Variants in TULP4 observed in about 807,000 individuals in gnomAD.
TULP4 encodes the protein TUB like protein 4.
In TULP4, 16 loss-of-function variants were observed where a neutral mutation model predicts 129.0. The observed-to-expected ratio is 0.12, with a 90% CI of 0.08 to 0.19. The LOEUF (loss-of-function observed/expected upper bound fraction) is 0.19, where lower values mean the gene tolerates loss of function less well. Ranked by LOEUF, TULP4 falls within the 10% of genes least tolerant of loss-of-function variation. TULP4 has a pLI of 1.00. For missense variants in TULP4, 1,842 were observed against 2,059.1 expected (o/e 0.89, Z 2.04); for synonymous variants, 998 against 854.0 (o/e 1.17, Z -2.94).
At position 158,509,273 on chromosome 6, in the gene TULP4, A is replaced by G. The variant is rs1411876169; in HGVS notation, c.*2579A>G. On this transcript the variant is annotated 3_prime_UTR_variant, in exon 14 of 14. Transcript: ENST00000367097. ...TAATCACTTAAAAATTTTTTTTTGT[A>G]TTTTGTGTTATTGATTATATACAAA... 6.6e-6 allele frequency: 1 copy of G among 151,780 alleles called. No homozygotes were observed. Among genetic ancestry groups the G allele is most frequent in the Admixed American group, 6.6e-5 (1 of 15,256 alleles). 9.4% of individuals were successfully genotyped at this position (151,780 alleles called of 1,614,324 possible).
intron 5 of TULP4, among the ~76,000 whole-genome samples, chr6:158,457,705 C>T (rs753269533): frequency 2.6e-5 from 4 of 152,140 alleles, no homozygotes; most frequent in African/African-American, 4.8e-5. Flanking sequence ...AAAGCTCCAA[C>T]CCCTGAGCTT....
rs1453621937 is a variant in TULP4, at chr6:158,429,901, A to G, written c.543+4A>G. On this transcript the variant is annotated splice_donor_region_variant and intron_variant, in intron 3 of 13. Transcript: ENST00000367097. Reference sequence around the variant, plus strand: ...ATGGACTCCTGACGACCAACAGGTAACACTTCTGAAATGTGGTGGGTGTGT... The same window carrying G: ...ATGGACTCCTGACGACCAACAGGTAGCACTTCTGAAATGTGGTGGGTGTGT... 1.9e-6 allele frequency: 3 copies of G among 1,613,402 alleles called. No individual in the cohort carries two copies. Among genetic ancestry groups the G allele is most frequent in the East Asian group, 2.2e-5 (1 of 44,862 alleles).
chr6:158,252,850 G>A (rs1778169222), intron 1 of TULP4, among the ~76,000 whole-genome samples: 1 of 152,104 alleles, frequency 6.6e-6, no homozygotes, highest in Non-Finnish European at 1.5e-5. Context: ...ACTTTTTCCA[G>A]GTTACCACAT....
At chr6:158,242,446 C>T in intron 1 of TULP4, 1 of 1,024,772 alleles carries the variant, frequency 9.8e-7, no homozygotes, top group Non-Finnish European at 1.5e-6. Context: ...ACTAAGCATT[C>T]ATCATAGTGT....
At chr6:158,362,670 AT>A (rs1562535227) in intron 1 of TULP4, among the ~76,000 whole-genome samples, 2 of 152,066 alleles carry the variant, frequency 1.3e-5, no homozygotes, top group African/African-American at 4.8e-5. Context: ...TCATAATTAT[AT>A]TTATACTTCT....
chr6:158,384,260 CT>C (rs1216632186), intron 1 of TULP4, among the ~76,000 whole-genome samples: 1 of 149,254 alleles, frequency 6.7e-6, no homozygotes, highest in Non-Finnish European at 1.5e-5. Flanking sequence ...GAAAATTTGA[CT>C]TTGTGTAAGA....
intron 1 of TULP4, among the ~76,000 whole-genome samples, chr6:158,285,558 T>G (rs1379861743): frequency 1.3e-5 from 2 of 152,220 alleles, no homozygotes; most frequent in African/African-American, 4.8e-5. Flanking sequence ...CCAGGCCTGT[T>G]TGTGAGTACT....
chr6:158,480,417 G>A (rs920890707), intron 7 of TULP4, among the ~76,000 whole-genome samples: 1 of 152,250 alleles, frequency 6.6e-6, no homozygotes, highest in African/African-American at 2.4e-5. Context: ...GGACAGTCAG[G>A]ATTAGACCCA....
At chr6:158,500,149 G>A (rs1184885275) in intron 12 of TULP4, among the ~76,000 whole-genome samples, 1 of 152,198 alleles carries the variant, frequency 6.6e-6, no homozygotes, top group African/African-American at 2.4e-5. Context: ...TGTTGCTGCA[G>A]TTGTCGTTAT....
chr6:158,464,352 A>G (rs1314605412), intron 6 of TULP4, among the ~76,000 whole-genome samples: 1 of 152,196 alleles, frequency 6.6e-6, no homozygotes, highest in African/African-American at 2.4e-5. Context: ...GGATTCAAAG[A>G]TTTTCTGATT....
Position 158,502,604 on chromosome 6 carries a change from A to C in TULP4, c.2941A>C (p.Ser981Arg), listed in dbSNP as rs1306205073. 1 of 1,600,576 alleles carries C rather than the reference A, an allele frequency of 6.2e-7. No homozygotes were observed. The highest frequency in any genetic ancestry group is 2.2e-5 in the East Asian group (1 of 44,844). ...GGGGGCTGCCCAGAGGTCCGACAAT[A>C]GCCTCATCCACGCTACCCTGCGGAG... ...GRGAAQRSDNSLIHATLRRNN... is the reference protein window; with the variant it reads ...GRGAAQRSDNRLIHATLRRNN... Residue 981 changes from serine to arginine, a missense_variant, in exon 13 of 14, where the codon AGC becomes CGC. Coordinates refer to ENST00000367097, the MANE Select transcript of TULP4 (RefSeq NM_020245.5).
intron 1 of TULP4, among the ~76,000 whole-genome samples, chr6:158,274,758 C>T (rs1006821918): frequency 1.3e-5 from 2 of 152,184 alleles, no homozygotes; most frequent in Admixed American, 6.5e-5. Flanking sequence ...GCCTGGGCAA[C>T]AGAGCGAGAC....
chr6:158,307,568 G>A (rs1303135380), upstream of TULP4, among the ~76,000 whole-genome samples: 12 of 152,036 alleles, frequency 7.9e-5, no homozygotes, highest in Admixed American at 3.3e-4. Flanking sequence ...TGCAACCTCC[G>A]CCTCCTGGGT....
intron 5 of TULP4, among the ~76,000 whole-genome samples, chr6:158,456,909 A>G (rs1314264812): frequency 6.6e-6 from 1 of 152,060 alleles, no homozygotes; most frequent in Non-Finnish European, 1.5e-5. Context: ...CGACAGTGCT[A>G]TATGTAGGCA....
intron 1 of TULP4, among the ~76,000 whole-genome samples, chr6:158,354,613 C>T (rs951680790): frequency 6.6e-6 from 1 of 152,142 alleles, no homozygotes; most frequent in Non-Finnish European, 1.5e-5. Flanking sequence ...TTGCCCTTGG[C>T]TGGGCATGGT....
At chr6:158,422,330 T>C (rs755167514) in intron 2 of TULP4, among the ~76,000 whole-genome samples, 11 of 152,188 alleles carry the variant, frequency 7.2e-5, no homozygotes, top group Non-Finnish European at 1.3e-4. Flanking sequence ...ACGTAAATTA[T>C]AAGATGCAGG....
intron 1 of TULP4, among the ~76,000 whole-genome samples, chr6:158,233,513 G>T (rs1019112340): frequency 5.3e-5 from 8 of 152,174 alleles, no homozygotes; most frequent in East Asian, 1.9e-4. Flanking sequence ...AGACAAACCC[G>T]CTGGGAATGG....
intron 11 of TULP4, among the ~76,000 whole-genome samples, chr6:158,495,578 C>T (rs1780318410): frequency 6.6e-6 from 1 of 152,198 alleles, no homozygotes; most frequent in African/African-American, 2.4e-5. Context: ...TGCAGTGGCT[C>T]ACGCCTGTAA....
chr6:158,452,883 A>G (rs1779194922), intron 5 of TULP4, among the ~76,000 whole-genome samples: 1 of 152,232 alleles, frequency 6.6e-6, no homozygotes, highest in African/African-American at 2.4e-5. Flanking sequence ...TTGCAGTTCA[A>G]GAGTACTGTT....
Sources: allele counts gnomAD v4.1 joint callset (sites outside exome capture counted in the v4.1 genomes callset), GRCh38; gene constraint gnomAD v4.1.1; transcripts MANE v1.5; gene names NCBI Gene and HGNC (gene_info 2026-07-23, HGNC 2026-07-21).